The following SMYD4 variants were observed in gnomAD, a reference collection of about 807,000 sequenced individuals.
SMYD4 encodes protein-lysine N-methyltransferase SMYD4.
A neutral mutation model predicts 72.8 loss-of-function variants in SMYD4; 68 were observed. The ratio of observed to expected loss-of-function variants is 0.93; its 90% CI spans 0.77 to 1.14. SMYD4 has a LOEUF of 1.14. SMYD4 is among the 50% of genes most tolerant of loss of function. The pLI is 0.00. For synonymous variants in SMYD4, 407 were observed against 388.6 expected, an observed-to-expected ratio of 1.05 and a Z score of -0.56; for missense variants, 984 against 1,003.7, an observed-to-expected ratio of 0.98 and a Z score of 0.27.
chr17:1,792,135 T>C (rs962051713), intron 5 of SMYD4, among the ~76,000 whole-genome samples: 11 of 151,860 alleles, frequency 7.2e-5, no homozygotes, highest in South Asian at 2.1e-4. Flanking sequence ...CTCCGCCTCC[T>C]GGGTTCACAC....
chr17:1,793,143 G>A (rs911393200), intron 5 of SMYD4, among the ~76,000 whole-genome samples: 2 of 151,936 alleles, frequency 1.3e-5, no homozygotes, highest in African/African-American at 2.4e-5. Flanking sequence ...TCTCTAACTC[G>A]TGGGCTCAAG....
At chr17:1,819,934 C>A (rs1381383642) in intron 2 of SMYD4, among the ~76,000 whole-genome samples, 1 of 151,942 alleles carries the variant, frequency 6.6e-6, no homozygotes, top group Non-Finnish European at 1.5e-5. Context: ...ATTACAGGCA[C>A]CTGACACCAC....
Position 1,786,838 on chromosome 17 carries a change from C to A in SMYD4, c.1856G>T (p.Cys619Phe). Residue 619 changes from cysteine (C) to phenylalanine (F), a missense_variant, in exon 7 of 11, where the codon TGT becomes TTT. Coordinates refer to ENST00000305513, the MANE Select transcript of SMYD4 (RefSeq NM_052928.3). ...MAAGPRWEAF[C>F]CNSCGAPMQG... Reference sequence around the variant, plus strand: ...CATGGGCGCTCCGCAACTGTTGCAACAGAATGCTTCCCACCTGGGCCCTGC... The same window carrying A: ...CATGGGCGCTCCGCAACTGTTGCAAAAGAATGCTTCCCACCTGGGCCCTGC... 1 of 1,614,200 alleles carries A rather than the reference C, an allele frequency of 6.2e-7. No homozygotes were observed.
Position 1,811,952 on chromosome 17 carries a change from T to C in SMYD4, c.279+19A>G, listed in dbSNP as rs1297545551. The C allele has an allele frequency of 3.7e-6, 6 of 1,605,686 alleles. No homozygotes were observed. The highest frequency in any genetic ancestry group is 5.1e-6 in the Non-Finnish European group (6 of 1,177,486). On this transcript the variant is annotated intron_variant, in intron 3 of 10. Transcript: ENST00000305513. ...AGAGAAAAATAAATAATAAATTGCT[T>C]GAGCTGGGAGTGTTTTACCTTAGAG... is the stretch of plus-strand genomic sequence containing the variant.
intron 5 of SMYD4, among the ~76,000 whole-genome samples, chr17:1,799,626 G>A (rs905156833): frequency 9.9e-5 from 15 of 151,820 alleles, no homozygotes; most frequent in Admixed American, 9.2e-4. Flanking sequence ...TGCTCACCTC[G>A]GCCTCCCAAA....
intron 7 of SMYD4, chr17:1,784,667 T>G (rs1908557501): frequency 1.5e-6 from 1 of 683,162 alleles, no homozygotes; most frequent in African/African-American, 2.0e-5. Flanking sequence ...CAGTAGCTGA[T>G]CCCACCTGAG....
intron 5 of SMYD4, among the ~76,000 whole-genome samples, chr17:1,790,344 T>A (rs1473969135): frequency 6.6e-6 from 1 of 152,290 alleles, no homozygotes; most frequent in East Asian, 1.9e-4. Flanking sequence ...AAGTATTGAT[T>A]TTTAAAAATT....
chr17:1,828,960 T>G (rs1202143513), intron 1 of SMYD4, among the ~76,000 whole-genome samples: 1 of 132,888 alleles, frequency 7.5e-6, no homozygotes, highest in East Asian at 2.1e-4. Flanking sequence ...CCCCAGCAAC[T>G]ATTCATTTAA....
intron 5 of SMYD4, among the ~76,000 whole-genome samples, chr17:1,798,903 AAAAT>A (rs1221673528): frequency 2.0e-5 from 3 of 151,620 alleles, no homozygotes; most frequent in Admixed American, 6.6e-5. Flanking sequence ...TCTCAAAAAA[AAAAT>A]AAATAAATAA....
intron 3 of SMYD4, among the ~76,000 whole-genome samples, chr17:1,806,998 C>A (rs1368437804): frequency 6.6e-6 from 1 of 151,962 alleles, no homozygotes; most frequent in Non-Finnish European, 1.5e-5. Context: ...TCAAGCGATT[C>A]TCCAGCCTCA....
Position 1,781,635 on chromosome 17 carries a change from T to G in SMYD4, c.2262-196A>C, listed in dbSNP as rs543943157. 26 of 487,152 alleles carry G rather than the reference T, an allele frequency of 5.3e-5. No individual in the cohort carries two copies. In the Admixed American group the frequency reaches 6.7e-4, roughly 13 times the overall value. 30.2% of individuals were successfully genotyped at this position (487,152 alleles called of 1,614,324 possible). A position where few individuals can be genotyped will look rare whatever the true frequency, so the allele number is the denominator to read the frequency against. On this transcript the variant is annotated intron_variant, in intron 10 of 10. Coordinates refer to ENST00000305513, the MANE Select transcript of SMYD4 (RefSeq NM_052928.3). ...GAGAAAACAGTTATAAAAGATAGTA[T>G]AGACGCCAGGATCCTGAGAACACGA...
intron 4 of SMYD4, among the ~76,000 whole-genome samples, chr17:1,803,705 G>T (rs994945753): frequency 6.6e-5 from 10 of 151,978 alleles, no homozygotes; most frequent in Non-Finnish European, 1.3e-4. Flanking sequence ...CACCATGTTG[G>T]CCAGGCTGGT....
At chr17:1,784,522 C>T (rs1908548523) in intron 7 of SMYD4, 61 bp from the exon 8 acceptor site, 5 of 1,605,060 alleles carry the variant, frequency 3.1e-6, no homozygotes, top group South Asian at 2.2e-5. Flanking sequence ...ACCGCCTGTG[C>T]TTACATTACA....
At chr17:1,794,127 T>TTTTTTTA (rs60022529) in intron 5 of SMYD4, among the ~76,000 whole-genome samples, 2 of 75,114 alleles carry the variant, frequency 2.7e-5, no homozygotes, top group Non-Finnish European at 4.9e-5. Flanking sequence ...TTTTTTTTTT[T>TTTTTTTA]GAGATGGAGT....
chr17:1,794,007 G>A (rs866581506), intron 5 of SMYD4, among the ~76,000 whole-genome samples: 2 of 81,242 alleles, frequency 2.5e-5, no homozygotes, highest in Non-Finnish European at 2.3e-5. Flanking sequence ...ATATATATAT[G>A]TATATATATA....
chr17:1,823,926 C>T lies in SMYD4; in HGVS notation c.134+3935G>A, dbSNP rs538136239. On this transcript the variant is annotated intron_variant, in intron 2 of 10. Transcript: ENST00000305513. ...ACACATTCTGATGACATCCTTTGAG[C>T]CCCTGAATACAACCTAGCCTGAAAA... is the stretch of plus-strand genomic sequence containing the variant. Among the ~76,000 whole-genome samples the T allele has an allele frequency of 2.6e-5, 4 of 152,274 alleles. No homozygotes were observed. The East Asian group carries it at 5.8e-4, about 22-fold the overall frequency.
At chr17:1,808,533 A>G (rs952487928) in intron 3 of SMYD4, among the ~76,000 whole-genome samples, 4 of 152,196 alleles carry the variant, frequency 2.6e-5, no homozygotes, top group Non-Finnish European at 5.9e-5. Context: ...AAGTAAACAT[A>G]TATTACTTTT....
rs902985179 is a variant in SMYD4, at chr17:1,781,200, C to A, written c.*86G>T. 1.3e-5 allele frequency: 19 copies of A among 1,517,446 alleles called. No individual in the cohort carries two copies. The East Asian group carries it at 3.7e-4, about 29-fold the overall frequency. The allele number at this position is 1,517,446 out of a possible 1,614,324, so 94.0% of individuals were successfully genotyped here. A position where few individuals can be genotyped will look rare whatever the true frequency, so the allele number is the denominator to read the frequency against. ...CCTCCCAAAGTGCTGGGATTACAGG[C>A]GTGAGCCACCATACCTGGCCAGCAA... On this transcript the variant is annotated 3_prime_UTR_variant, in exon 11 of 11. Transcript: ENST00000305513.
chr17:1,812,838 C>T (rs939727996), intron 2 of SMYD4, among the ~76,000 whole-genome samples: 2 of 151,618 alleles, frequency 1.3e-5, no homozygotes, highest in Admixed American at 6.6e-5. Context: ...CGTGAGCCAC[C>T]GCACCTGGCC....
Sources: gnomAD v4.1 joint callset for allele counts (sites outside exome capture counted in the v4.1 genomes callset) on GRCh38, gnomAD v4.1.1 for gene constraint, MANE v1.5 for transcripts, NCBI Gene and HGNC (gene_info 2026-07-23, HGNC 2026-07-21) for gene names.